ETV6: variants seen among roughly 807,000 people sequenced by gnomAD.
ETV6 encodes ETS variant transcription factor 6.
ETV6 carries 16 observed loss-of-function variants against 51.1 expected under a neutral mutation model. That is an observed-to-expected ratio of 0.31 (90% CI 0.21 to 0.48). The LOEUF (loss-of-function observed/expected upper bound fraction) is 0.48. ETV6 is among the 20% of genes least tolerant of loss of function. The pLI, the probability that ETV6 is intolerant of heterozygous loss-of-function variation, is 0.99. For missense variants in ETV6, 458 were observed against 594.8 expected (o/e 0.77, Z 2.39); for synonymous variants, 240 against 224.1 (o/e 1.07, Z -0.64).
intron 3 of ETV6, among the ~76,000 whole-genome samples, chr12:11,847,408 T>C (rs1378077640): frequency 6.6e-6 from 1 of 152,162 alleles, no homozygotes; most frequent in Non-Finnish European, 1.5e-5. Context: ...GGAGTAGATT[T>C]AGCATAGACG....
chr12:11,658,082 A>G (rs1864034478), intron 1 of ETV6, among the ~76,000 whole-genome samples: 1 of 152,198 alleles, frequency 6.6e-6, no homozygotes, highest in Non-Finnish European at 1.5e-5. Flanking sequence ...TGGGATATGT[A>G]CATTGCCCAA....
chr12:11,845,720 C>T (rs1591715418), intron 3 of ETV6, among the ~76,000 whole-genome samples: 1 of 152,128 alleles, frequency 6.6e-6, no homozygotes, highest in South Asian at 2.1e-4. Context: ...AGGCTGGGTG[C>T]AGTGGCTCAC....
chr12:11,838,121 T>C lies in ETV6; in HGVS notation c.164-1019T>C, dbSNP rs539163084. On this transcript the variant is annotated intron_variant, in intron 2 of 7. Coordinates refer to ENST00000396373, the MANE Select transcript of ETV6 (RefSeq NM_001987.5). ...TTAATGGAAGATGGCTGGACGCTCATCTCTGTTTCTGCATTCAATCTGTTG... is the reference window on the plus strand; with the variant it reads ...TTAATGGAAGATGGCTGGACGCTCACCTCTGTTTCTGCATTCAATCTGTTG... Among the ~76,000 whole-genome samples, 10 of 152,352 alleles carry C rather than the reference T, an allele frequency of 6.6e-5. No individual in the cohort carries two copies. The East Asian group carries it at 1.7e-3, about 26-fold the overall frequency.
At chr12:11,794,670 TTTTATGGCTATGCAAGATAA>T (rs1945651536) in intron 2 of ETV6, among the ~76,000 whole-genome samples, 1 of 152,222 alleles carries the variant, frequency 6.6e-6, no homozygotes, top group South Asian at 2.1e-4. Context: ...AGTGCCCATT[TTTTATGGCTATGCAAGATAA>T]ACCAGTCATT....
chr12:11,766,185 A>C (rs1945158778), intron 2 of ETV6, among the ~76,000 whole-genome samples: 1 of 152,202 alleles, frequency 6.6e-6, no homozygotes, highest in African/African-American at 2.4e-5. Context: ...TTCAGGACTC[A>C]GCTGCCAAAG....
chr12:11,655,374 G>A (rs905140571), intron 1 of ETV6, among the ~76,000 whole-genome samples: 1 of 152,116 alleles, frequency 6.6e-6, no homozygotes, highest in Non-Finnish European at 1.5e-5. Flanking sequence ...CATTTACTCA[G>A]GGTTCCCACG....
At chr12:11,887,790 T>C (rs1439736764) in intron 7 of ETV6, among the ~76,000 whole-genome samples, 1 of 151,810 alleles carries the variant, frequency 6.6e-6, no homozygotes, top group Non-Finnish European at 1.5e-5. Context: ...CCCAGAATTA[T>C]TGAATTCTTT....
At chr12:11,876,083 T>C (rs575582967) in intron 5 of ETV6, among the ~76,000 whole-genome samples, 6 of 152,324 alleles carry the variant, frequency 3.9e-5, no homozygotes, top group African/African-American at 1.4e-4. Flanking sequence ...TTATTTGCAC[T>C]TTAGATGACA....
At chr12:11,789,462 G>A (rs571230989) in intron 2 of ETV6, among the ~76,000 whole-genome samples, 1 of 152,160 alleles carries the variant, frequency 6.6e-6, no homozygotes, top group African/African-American at 2.4e-5. Flanking sequence ...TACCTGCTTC[G>A]GTCTGGGCTT....
intron 2 of ETV6, among the ~76,000 whole-genome samples, chr12:11,783,222 G>GGGCT (rs1187426743): frequency 6.6e-6 from 1 of 152,084 alleles, no homozygotes; most frequent in Non-Finnish European, 1.5e-5. Context: ...GCCTATAAGA[G>GGGCT]GGCTCCCCAG....
At chr12:11,709,708 G>A (rs1382729221) in intron 1 of ETV6, among the ~76,000 whole-genome samples, 1 of 152,234 alleles carries the variant, frequency 6.6e-6, no homozygotes, top group Non-Finnish European at 1.5e-5. Flanking sequence ...TTTGAGTAAA[G>A]CACATGGCCC....
chr12:11,844,675 A>G (rs1245919704), intron 3 of ETV6, among the ~76,000 whole-genome samples: 1 of 151,902 alleles, frequency 6.6e-6, no homozygotes, highest in East Asian at 1.9e-4. Context: ...AATTGTAGCC[A>G]TGAAATGTGG....
chr12:11,677,922 G>A (rs1008208877), intron 1 of ETV6, among the ~76,000 whole-genome samples: 2 of 152,230 alleles, frequency 1.3e-5, no homozygotes, highest in Admixed American at 6.5e-5. Flanking sequence ...CTCTGGCACA[G>A]GTAGGTGCTT....
intron 1 of ETV6, among the ~76,000 whole-genome samples, chr12:11,677,655 A>G (rs955343273): frequency 1.1e-4 from 17 of 152,248 alleles, no homozygotes; most frequent in Admixed American, 9.8e-4. Flanking sequence ...ATCCGGGTGA[A>G]GAAGATGAGG....
chr12:11,699,297 A>C (rs1282147845), intron 1 of ETV6, among the ~76,000 whole-genome samples: 1 of 152,234 alleles, frequency 6.6e-6, no homozygotes, highest in South Asian at 2.1e-4. Context: ...GAGCTAAAAC[A>C]TGCAAACTCT....
chr12:11,806,152 C>A (rs553528450), intron 2 of ETV6, among the ~76,000 whole-genome samples: 1 of 152,308 alleles, frequency 6.6e-6, no homozygotes, highest in South Asian at 2.1e-4. Context: ...GGGCCCAATT[C>A]TATTGCTCTT....
intron 4 of ETV6, among the ~76,000 whole-genome samples, chr12:11,853,872 G>A (rs1333390018): frequency 6.6e-6 from 1 of 152,214 alleles, no homozygotes; most frequent in Non-Finnish European, 1.5e-5. Flanking sequence ...CAACTCTGGA[G>A]TATGCCTTAG....
At chr12:11,737,295 G>A (rs1343955329) in intron 1 of ETV6, among the ~76,000 whole-genome samples, 2 of 152,202 alleles carry the variant, frequency 1.3e-5, no homozygotes, top group Non-Finnish European at 2.9e-5. Context: ...CTGCAGCTGA[G>A]TCCATGGATG....
At chr12:11,735,817 C>G (rs1350695934) in intron 1 of ETV6, among the ~76,000 whole-genome samples, 1 of 152,208 alleles carries the variant, frequency 6.6e-6, no homozygotes, top group African/African-American at 2.4e-5. Context: ...CCAGACTGGT[C>G]TCGAACTCCT....
Sources: allele counts gnomAD v4.1 joint callset (sites outside exome capture counted in the v4.1 genomes callset), GRCh38; gene constraint gnomAD v4.1.1; transcripts MANE v1.5; gene names NCBI Gene and HGNC (gene_info 2026-07-23, HGNC 2026-07-21).